The following SHTN1 variants were observed in gnomAD, a reference collection of about 807,000 sequenced individuals.
The protein encoded by SHTN1 is shootin-1.
Under a neutral mutation model 83.1 loss-of-function variants are expected in SHTN1, and 42 were observed. The ratio of observed to expected loss-of-function variants is 0.51; its 90% CI spans 0.39 to 0.65. The LOEUF is 0.65. SHTN1 is among the 30% of genes least tolerant of loss of function. SHTN1 has a pLI of 0.00. For missense variants in SHTN1, 622 were observed against 737.8 expected (o/e 0.84, Z 1.82); for synonymous variants, 224 against 247.7 (o/e 0.90, Z 0.90).
At chr10:117,015,885 G>A (rs946312528) in intron 2 of SHTN1, among the ~76,000 whole-genome samples, 1 of 152,108 alleles carries the variant, frequency 6.6e-6, no homozygotes, top group African/African-American at 2.4e-5. Context: ...TGTTTTCACG[G>A]TATTGTTCTT....
At chr10:116,905,028 C>T (rs1391874803) in intron 15 of SHTN1, among the ~76,000 whole-genome samples, 1 of 150,544 alleles carries the variant, frequency 6.6e-6, no homozygotes, top group East Asian at 1.9e-4. Context: ...GGTGAAACCC[C>T]GTCTCTACTA....
chr10:116,966,107 A>C (rs1196443139), intron 3 of SHTN1, among the ~76,000 whole-genome samples: 1 of 152,100 alleles, frequency 6.6e-6, no homozygotes, highest in Non-Finnish European at 1.5e-5. Context: ...CCCTGGTTCA[A>C]GTGATTCTCC....
At chr10:117,112,225 C>T (rs1274275591) in intron 1 of SHTN1, among the ~76,000 whole-genome samples, 1 of 152,140 alleles carries the variant, frequency 6.6e-6, no homozygotes, top group African/African-American at 2.4e-5. Flanking sequence ...CTCGGCCTCC[C>T]AAACTGCTGA....
intron 1 of SHTN1, among the ~76,000 whole-genome samples, chr10:117,113,688 G>A (rs944322801): frequency 5.9e-5 from 9 of 152,308 alleles, no homozygotes; most frequent in African/African-American, 1.9e-4. Context: ...GAAGACTGCT[G>A]AGCCCAGGCG....
At chr10:117,114,180 G>A (rs956073177) in intron 1 of SHTN1, among the ~76,000 whole-genome samples, 6 of 152,222 alleles carry the variant, frequency 3.9e-5, no homozygotes, top group African/African-American at 1.4e-4. Flanking sequence ...CTGTACTCCA[G>A]TCTGGGTGAT....
intron 1 of SHTN1, among the ~76,000 whole-genome samples, chr10:116,998,120 C>A (rs1283422869): frequency 1.3e-5 from 2 of 152,134 alleles, no homozygotes; most frequent in Non-Finnish European, 2.9e-5. Context: ...AGTTAAGATA[C>A]ACCGCTTTGA....
intron 2 of SHTN1, among the ~76,000 whole-genome samples, chr10:117,042,629 C>CT (rs112611939): frequency 0.23 from 34,979 of 149,470 alleles, 4,705 homozygotes; most frequent in East Asian, 0.43. Context: ...GCAACACTTC[C>CT]TTTTTTTTTT....
chr10:117,063,405 C>A (rs2133596921), intron 1 of SHTN1, among the ~76,000 whole-genome samples: 1 of 152,190 alleles, frequency 6.6e-6, no homozygotes, highest in Non-Finnish European at 1.5e-5. Flanking sequence ...TTGGGCACTC[C>A]CAGGTTCTAA....
At chr10:117,052,504 C>CT (rs547823356) in intron 1 of SHTN1, among the ~76,000 whole-genome samples, 1 of 151,940 alleles carries the variant, frequency 6.6e-6, no homozygotes, top group South Asian at 2.1e-4. Flanking sequence ...AGTTGGAGGA[C>CT]TCACACTTCC....
chr10:116,996,197 A>C (rs1851620638), intron 1 of SHTN1, among the ~76,000 whole-genome samples: 1 of 152,150 alleles, frequency 6.6e-6, no homozygotes, highest in South Asian at 2.1e-4. Context: ...TAGTTCAGAA[A>C]CTATAGTTCA....
At chr10:116,961,858 A>T (rs1385805947) in intron 3 of SHTN1, among the ~76,000 whole-genome samples, 1 of 152,226 alleles carries the variant, frequency 6.6e-6, no homozygotes, top group Non-Finnish European at 1.5e-5. Flanking sequence ...ATAACTGTGG[A>T]GACAGACGGC....
chr10:117,020,076 C>A (rs2083643354), intron 2 of SHTN1, among the ~76,000 whole-genome samples: 1 of 151,640 alleles, frequency 6.6e-6, no homozygotes, highest in Non-Finnish European at 1.5e-5. Flanking sequence ...TCTAGAATAA[C>A]CAAAAAATCT....
chr10:116,938,437 G>T (rs1003771268), intron 9 of SHTN1, among the ~76,000 whole-genome samples: 2 of 152,194 alleles, frequency 1.3e-5, no homozygotes, highest in Non-Finnish European at 2.9e-5. Context: ...CTGCAGGTCT[G>T]CTGGAGTTTG....
intron 1 of SHTN1, among the ~76,000 whole-genome samples, chr10:117,050,696 CT>C (rs1453681168): frequency 7.4e-5 from 11 of 149,000 alleles, no homozygotes; most frequent in Non-Finnish European, 1.6e-4. Context: ...GCTAGAATGA[CT>C]AAAAAAAAAA....
chr10:117,067,402 C>G (rs956609238), intron 1 of SHTN1, among the ~76,000 whole-genome samples: 2 of 152,084 alleles, frequency 1.3e-5, no homozygotes, highest in Non-Finnish European at 2.9e-5. Flanking sequence ...ACCAGCCTAG[C>G]CAACATGGGG....
intron 1 of SHTN1, among the ~76,000 whole-genome samples, chr10:116,981,091 G>A (rs1441659080): frequency 6.6e-6 from 1 of 152,092 alleles, no homozygotes; most frequent in African/African-American, 2.4e-5. Context: ...GGCCGAGGTG[G>A]GCAGATCACT....
chr10:116,889,881 G>T (rs1847281664), intron 16 of SHTN1, among the ~76,000 whole-genome samples: 1 of 152,094 alleles, frequency 6.6e-6, no homozygotes, highest in Non-Finnish European at 1.5e-5. Flanking sequence ...CTCCTGGCTT[G>T]ACATCACTAG....
rs1377653426 is a variant in SHTN1, at chr10:116,903,708, G to A, written c.1481-1751C>T. Among the ~76,000 whole-genome samples, 4 of 152,078 alleles carry A rather than the reference G, an allele frequency of 2.6e-5. No homozygotes were observed. The South Asian group carries it at 6.2e-4, about 24-fold the overall frequency. On this transcript the variant is annotated intron_variant, in intron 15 of 16. Transcript: ENST00000355371. ...AGCTCTATTCTGCCCTTGGGTAAGC[G>A]TTGACTACAATACTAGTTAGCTTTA...
intron 9 of SHTN1, among the ~76,000 whole-genome samples, chr10:116,932,190 T>A (rs58179258): frequency 0.058 from 8,773 of 152,190 alleles, 830 homozygotes; most frequent in African/African-American, 0.19. Flanking sequence ...AGTAAATAAC[T>A]GATACTCTAG....
Sources: allele counts gnomAD v4.1 joint callset (sites outside exome capture counted in the v4.1 genomes callset), GRCh38; gene constraint gnomAD v4.1.1; transcripts MANE v1.5; gene names NCBI Gene and HGNC (gene_info 2026-07-23, HGNC 2026-07-21).